The following SCAPER variants were observed in gnomAD, a reference collection of about 807,000 sequenced individuals.
The protein encoded by SCAPER is S phase cyclin A-associated protein in the endoplasmic reticulum.
Under a neutral mutation model 182.2 loss-of-function variants are expected in SCAPER, and 98 were observed. The observed-to-expected ratio is 0.54, with a 90% CI of 0.46 to 0.64. The LOEUF is 0.64. Ranked by LOEUF, SCAPER falls within the 30% of genes least tolerant of loss-of-function variation. The pLI is 0.00. For synonymous variants in SCAPER, 605 were observed against 564.6 expected (o/e 1.07, Z -1.01); for missense variants, 1,432 against 1,690.0 (o/e 0.85, Z 2.68).
At chr15:76,785,789 C>T (rs2064545351) in intron 8 of SCAPER, among the ~76,000 whole-genome samples, 1 of 152,146 alleles carries the variant, frequency 6.6e-6, no homozygotes, top group Non-Finnish European at 1.5e-5. Context: ...AGAAACCAAA[C>T]ACTGCATGTT....
intron 25 of SCAPER, among the ~76,000 whole-genome samples, chr15:76,454,165 T>A (rs1441150151): frequency 1.3e-5 from 2 of 152,210 alleles, no homozygotes; most frequent in Non-Finnish European, 2.9e-5. Flanking sequence ...TAAGGATGTT[T>A]TTTTTTCTTA....
chr15:76,356,559 C>G (rs1003368897), intron 29 of SCAPER, among the ~76,000 whole-genome samples: 7 of 152,148 alleles, frequency 4.6e-5, no homozygotes, highest in African/African-American at 1.7e-4. Context: ...AGAGACATCT[C>G]AGATTTACAC....
In SCAPER at chr15:76,817,461, T is replaced by A. The variant is rs2067179931; in HGVS notation, c.394-12828A>T. Among the ~76,000 whole-genome samples, 7 of 152,142 alleles carry A rather than the reference T, an allele frequency of 4.6e-5. No individual in the cohort carries two copies. The South Asian group carries it at 1.2e-3, about 27-fold the overall frequency. On this transcript the variant is annotated intron_variant, in intron 5 of 31. Transcript: ENST00000563290. ...AGATGTAGATTAAAGGATACAAACT[T>A]CTAATTACGTAGGATGAACAGGTCT...
chr15:76,468,362 T>C (rs2049856017), intron 25 of SCAPER, among the ~76,000 whole-genome samples: 2 of 152,082 alleles, frequency 1.3e-5, no homozygotes, highest in Admixed American at 1.3e-4. Context: ...TGTCCCAGGA[T>C]CCCAGTTCCA....
In SCAPER at chr15:76,717,541, T is replaced by C. The variant is rs77664307; in HGVS notation, c.2165+11054A>G. 4.2e-3 allele frequency among the ~76,000 whole-genome samples: 643 copies of C among 152,286 alleles called. 7 individuals are homozygous for C. The highest frequency in any genetic ancestry group is 0.015 in the African/African-American group (620 of 41,572). Reference sequence around the variant, plus strand: ...GACATCAAAAACGTAACTTGTGGGATGGACAGTAAAAGTCTAGTTTTTGTA... The same window carrying C: ...GACATCAAAAACGTAACTTGTGGGACGGACAGTAAAAGTCTAGTTTTTGTA... On this transcript the variant is annotated intron_variant, in intron 17 of 31. Transcript: ENST00000563290.
chr15:76,747,172 G>A (rs2061839600), intron 15 of SCAPER, among the ~76,000 whole-genome samples: 1 of 152,168 alleles, frequency 6.6e-6, no homozygotes, highest in Non-Finnish European at 1.5e-5. Flanking sequence ...CATACAGACT[G>A]CAATGGTTTG....
At chr15:76,889,646 T>C (rs2152590889) in intron 1 of SCAPER, among the ~76,000 whole-genome samples, 1 of 152,252 alleles carries the variant, frequency 6.6e-6, no homozygotes, top group South Asian at 2.1e-4. Context: ...ACGCACCCAA[T>C]ACATGGACAC....
rs1210870660 is a variant in SCAPER at position 76,765,431 on chromosome 15, T to C, written c.1519A>G (p.Thr507Ala). 6.2e-7 allele frequency: 1 copy of C among 1,613,994 alleles called. No homozygotes were observed. The highest frequency in any genetic ancestry group is 8.5e-7 in the Non-Finnish European group (1 of 1,179,860). Residue 507 changes from threonine (T) to alanine (A), a missense_variant, in exon 13 of 32, where the codon ACA becomes GCA. Coordinates refer to ENST00000563290, the MANE Select transcript of SCAPER (RefSeq NM_020843.4). Reference protein sequence around the residue: ...YEARESWRQNTSWGDIVEEEP... With the variant: ...YEARESWRQNASWGDIVEEEP... ...TCTTCTACAATGTCCCCCCAGGATG[T>C]ATTTTGGCGCCAAGACTCACGAGCT...
intron 25 of SCAPER, among the ~76,000 whole-genome samples, chr15:76,445,241 G>A (rs2047914995): frequency 6.6e-6 from 1 of 152,140 alleles, no homozygotes. Flanking sequence ...TCTTTGCCGA[G>A]ACTACTTTTT....
chr15:76,566,613 T>C (rs1054839930), intron 23 of SCAPER, among the ~76,000 whole-genome samples: 11 of 152,114 alleles, frequency 7.2e-5, no homozygotes. Flanking sequence ...GAAAAGTCAA[T>C]GCAAATACAG....
At chr15:76,421,327 A>G (rs2046022383) in intron 26 of SCAPER, among the ~76,000 whole-genome samples, 1 of 152,130 alleles carries the variant, frequency 6.6e-6, no homozygotes, top group South Asian at 2.1e-4. Flanking sequence ...CTGGTGTGAG[A>G]TGGTATCTCA....
At chr15:76,462,872 T>C (rs920416041) in intron 25 of SCAPER, among the ~76,000 whole-genome samples, 1 of 152,108 alleles carries the variant, frequency 6.6e-6, no homozygotes, top group African/African-American at 2.4e-5. Context: ...AGTAAAATAA[T>C]AGAAAGTTAA....
chr15:76,847,206 G>T (rs766836792), intron 4 of SCAPER, among the ~76,000 whole-genome samples: 1 of 152,152 alleles, frequency 6.6e-6, no homozygotes, highest in Non-Finnish European at 1.5e-5. Context: ...GGTAGCAGGG[G>T]AGTAGGGGGG....
At chr15:76,516,367 C>G (rs1314664058) in intron 23 of SCAPER, among the ~76,000 whole-genome samples, 1 of 145,974 alleles carries the variant, frequency 6.9e-6, no homozygotes, top group African/African-American at 2.5e-5. Flanking sequence ...CCTAGCACCA[C>G]CCCCCACCCC....
intron 1 of SCAPER, among the ~76,000 whole-genome samples, chr15:76,895,728 C>A (rs2074394124): frequency 6.6e-6 from 1 of 151,776 alleles, no homozygotes; most frequent in Non-Finnish European, 1.5e-5. Context: ...AACAATGAAC[C>A]ATCCAAAAAA....
At chr15:76,388,825 G>T (rs2938695) in intron 27 of SCAPER, among the ~76,000 whole-genome samples, 15,913 of 151,904 alleles carry the variant, frequency 0.1, 1,015 homozygotes, top group African/African-American at 0.18. Flanking sequence ...GCTGGGTGTG[G>T]TGGCACACGC....
At chr15:76,682,537 A>C (rs2057787565) in intron 20 of SCAPER, among the ~76,000 whole-genome samples, 1 of 151,864 alleles carries the variant, frequency 6.6e-6, no homozygotes, top group Non-Finnish European at 1.5e-5. Context: ...TCCCACTGCT[A>C]CGCCACCATA....
chr15:76,524,773 G>T (rs1332863628), intron 23 of SCAPER, among the ~76,000 whole-genome samples: 2 of 124,182 alleles, frequency 1.6e-5, no homozygotes, highest in East Asian at 2.7e-4. Flanking sequence ...AATGAAACAA[G>T]AATTGAAAGT....
At chr15:76,739,384 C>A (rs1330665215) in intron 15 of SCAPER, among the ~76,000 whole-genome samples, 1 of 152,166 alleles carries the variant, frequency 6.6e-6, no homozygotes, top group Non-Finnish European at 1.5e-5. Flanking sequence ...TTAAAGGAAG[C>A]ACTTTACAAC....
Sources: gnomAD v4.1 joint callset for allele counts (sites outside exome capture counted in the v4.1 genomes callset) on GRCh38, gnomAD v4.1.1 for gene constraint, MANE v1.5 for transcripts, NCBI Gene and HGNC (gene_info 2026-07-23, HGNC 2026-07-21) for gene names.